The following HOXA9 variants were observed in gnomAD, a reference collection of about 807,000 sequenced individuals.
HOXA9 encodes the protein homeobox A9, also known as homeobox protein Hox-A9.
HOXA9 carries 18 observed loss-of-function variants against 19.0 expected under a neutral mutation model. The ratio of observed to expected loss-of-function variants is 0.95; its 90% CI spans 0.65 to 1.40. The LOEUF (loss-of-function observed/expected upper bound fraction) is 1.40. Among genes scored for constraint, HOXA9 ranks in the 40% most tolerant of loss-of-function variants. The pLI, the probability that HOXA9 is intolerant of heterozygous loss-of-function variation, is 0.00. For missense variants in HOXA9, 443 were observed against 372.2 expected, an observed-to-expected ratio of 1.19 and a Z score of -1.57; for synonymous variants, 198 against 161.1, an observed-to-expected ratio of 1.23 and a Z score of -1.73.
At position 27,163,750 on chromosome 7, in the gene HOXA9, C is replaced by T. The variant is rs186431923; in HGVS notation, c.672G>A (p.Glu224=). 1 of 1,614,070 alleles carries T rather than the reference C, an allele frequency of 6.2e-7. No individual in the cohort carries two copies. Among genetic ancestry groups the T allele is most frequent in the African/African-American group, 1.3e-5 (1 of 75,000 alleles). ...TKHQTLELEK[E]FLFNMYLTRD... ...TGGTGAGGTACATGTTGAACAGAAACTCTTTCTCCAGTTCCAGGGTCTGGT... is the reference window on the plus strand; with the variant it reads ...TGGTGAGGTACATGTTGAACAGAAATTCTTTCTCCAGTTCCAGGGTCTGGT... Residue 224 remains glutamate (E), a synonymous_variant, in exon 2 of 2, where the codon GAG becomes GAA. Coordinates refer to ENST00000343483, the MANE Select transcript of HOXA9 (RefSeq NM_152739.4).
rs201956538 is a variant in HOXA9 at position 27,165,266 on chromosome 7, G to T, written c.192C>A (p.Gly64=). The change falls in exon 1 of 2, where the codon GGC becomes GGA. Residue 64 remains glycine (G), a synonymous_variant. Transcript: ENST00000343483. ...CSFQSKATVF[G]ASWNPVHAAG... The stretch of plus-strand genomic sequence containing the variant: ...CCGCGTGCACTGGGTTCCACGAGGC[G>T]CCAAACACCGTCGCCTTGGACTGGA... 3.2e-6 allele frequency: 5 copies of T among 1,560,366 alleles called. No individual in the cohort carries two copies. In the East Asian group the frequency reaches 1.1e-4, roughly 36 times the overall value.
rs1435359238 is a variant in HOXA9, at chr7:27,163,122, A to G, written c.*481T>C. 1 of 221,596 alleles carries G rather than the reference A, an allele frequency of 4.5e-6. No homozygotes were observed. Among genetic ancestry groups the G allele is most frequent in the Admixed American group, 5.6e-5 (1 of 17,880 alleles). 13.7% of individuals were successfully genotyped at this position (221,596 alleles called of 1,614,324 possible). On this transcript the variant is annotated 3_prime_UTR_variant, in exon 2 of 2. Transcript: ENST00000343483. ...CCAGTACACAGAAGTTTGAATCACA[A>G]AACATAATTACCACAATAAAACACA...
rs1193520485 is a variant in HOXA9 at position 27,163,554 on chromosome 7, T to C, written c.*49A>G. 1 of 1,432,336 alleles carries C rather than the reference T, an allele frequency of 7.0e-7. No individual in the cohort carries two copies. The highest frequency in any genetic ancestry group is 1.4e-5 in the African/African-American group (1 of 70,212). The allele number at this position is 1,432,336 out of a possible 1,614,324, so 88.7% of individuals were successfully genotyped here. On this transcript the variant is annotated 3_prime_UTR_variant, in exon 2 of 2. Transcript: ENST00000343483. Reference sequence around the variant, plus strand: ...AGGCGGAAGGGGGACGGACAGTTCTTTCTTTTTCTCTCTAGCTTACCCTTT... The same window carrying C: ...AGGCGGAAGGGGGACGGACAGTTCTCTCTTTTTCTCTCTAGCTTACCCTTT...
chr7:27,164,838 C>A (rs531205413), intron 1 of HOXA9, 40 bp downstream of exon 1: 2 of 1,585,386 alleles, frequency 1.3e-6, no homozygotes, highest in African/African-American at 1.3e-5. Context: ...GGGAGGCCGG[C>A]GTGGAGGCGG....
chr7:27,164,702 C>T (rs1783279562), intron 1 of HOXA9, among the ~76,000 whole-genome samples, 176 bp downstream of exon 1: 1 of 152,244 alleles, frequency 6.6e-6, no homozygotes, highest in African/African-American at 2.4e-5. Context: ...CTCTTCACTG[C>T]TCTCCAGACT....
rs986336660 is a variant in HOXA9, at chr7:27,162,953, T to C, written c.*650A>G. 5 of 199,230 alleles carry C rather than the reference T, an allele frequency of 2.5e-5. No homozygotes were observed. Among genetic ancestry groups the C allele is most frequent in the African/African-American group, 1.2e-4 (5 of 43,382 alleles). 12.3% of individuals were successfully genotyped at this position (199,230 alleles called of 1,614,324 possible). A position where few individuals can be genotyped will look rare whatever the true frequency, so the allele number is the denominator to read the frequency against. ...TTCACTGGGAAATTCTTACAGCTAC[T>C]TTACAATCATAGGTTAACAGCCTAG... On this transcript the variant is annotated 3_prime_UTR_variant, in exon 2 of 2. Coordinates refer to ENST00000343483, the MANE Select transcript of HOXA9 (RefSeq NM_152739.4).
chr7:27,164,299 G>A (rs10238429), intron 1 of HOXA9, among the ~76,000 whole-genome samples: 5,333 of 152,266 alleles, frequency 0.035, 121 homozygotes, highest in Non-Finnish European at 0.053. Context: ...AAGGCCTTCG[G>A]AGCTGGGCAA....
At chr7:27,163,965 G>C in intron 1 of HOXA9, 124 bp from the exon 2 acceptor site, 1 of 756,714 alleles carries the variant, frequency 1.3e-6, no homozygotes, top group Non-Finnish European at 2.2e-6. Flanking sequence ...AGGAAAGGCA[G>C]TCAGGCCTCG....
At position 27,162,812 on chromosome 7, in the gene HOXA9, T is replaced by C. The variant is rs1301624925; in HGVS notation, c.*791A>G. 1 of 201,658 alleles carries C rather than the reference T, an allele frequency of 5.0e-6. No homozygotes were observed. Among genetic ancestry groups the C allele is most frequent in the Non-Finnish European group, 1.0e-5 (1 of 97,922 alleles). The allele number at this position is 201,658 out of a possible 1,614,324, so 12.5% of individuals were successfully genotyped here. On this transcript the variant is annotated 3_prime_UTR_variant, in exon 2 of 2. Transcript: ENST00000343483. Reference sequence around the variant, plus strand: ...TTTCTTTAATCATATAGATTATATATACAATAGACAAGACAGGACTATATA... The same window carrying C: ...TTTCTTTAATCATATAGATTATATACACAATAGACAAGACAGGACTATATA...
chr7:27,163,521 A>G lies in HOXA9; in HGVS notation c.*82T>C, dbSNP rs1051807454. The G allele has an allele frequency of 5.0e-5, 57 of 1,139,416 alleles. No homozygotes were observed. Among genetic ancestry groups the G allele is most frequent in the Non-Finnish European group, 6.8e-5 (53 of 780,930 alleles). The allele number at this position is 1,139,416 out of a possible 1,614,324, so 70.6% of individuals were successfully genotyped here. A position where few individuals can be genotyped will look rare whatever the true frequency, so the allele number is the denominator to read the frequency against. On this transcript the variant is annotated 3_prime_UTR_variant, in exon 2 of 2. Coordinates refer to ENST00000343483, the MANE Select transcript of HOXA9 (RefSeq NM_152739.4). The stretch of plus-strand genomic sequence containing the variant: ...GTGGAGGCTAGGGTGGGGGTGAGAG[A>G]AGGGAGAAGGCGGAAGGGGGACGGA...
Position 27,164,986 on chromosome 7 carries a change from C to A in HOXA9, c.472G>T (p.Ala158Ser). The change falls in exon 1 of 2, where the codon GCT (alanine) becomes TCT (serine). Residue 158 changes from alanine (A) to serine (S), a missense_variant. Physicochemically the swap from Ala to Ser is moderately conservative, Grantham distance 99. Transcript: ENST00000343483. ...CTATCAACTGGAGGAGAACCACAAG[C>A]ATAGTCAGTCAGGGACAAAGTGTGA... ...DTHTLSLTDY[A>S]CGSPPVDREK... The A allele has an allele frequency of 6.2e-7, 1 of 1,614,240 alleles. No individual in the cohort carries two copies. The highest frequency in any genetic ancestry group is 8.5e-7 in the Non-Finnish European group (1 of 1,180,036).
At chr7:27,163,960 A>T in intron 1 of HOXA9, 119 bp from the exon 2 acceptor site, 2 of 779,678 alleles carry the variant, frequency 2.6e-6, no homozygotes, top group Non-Finnish European at 4.3e-6. Context: ...TGGTTAGGAA[A>T]GGCAGTCAGG....
At chr7:27,164,018 T>C (rs1783261195) in intron 1 of HOXA9, among the ~76,000 whole-genome samples, 177 bp from the exon 2 acceptor site, 1 of 152,186 alleles carries the variant, frequency 6.6e-6, no homozygotes, top group South Asian at 2.1e-4. Context: ...GACAGTCACT[T>C]AAAATTGCAC....
chr7:27,165,429 T>C lies in HOXA9; in HGVS notation c.29A>G (p.Tyr10Cys), dbSNP rs770254606. MATTGALGN[Y>C]YVDSFLLGAD... ...GCCCAGCAGGAACGAGTCCACGTAGTAGTTGCCCAGGGCCCCAGTGGTGGC... is the reference window on the plus strand; with the variant it reads ...GCCCAGCAGGAACGAGTCCACGTAGCAGTTGCCCAGGGCCCCAGTGGTGGC... Residue 10 changes from tyrosine to cysteine, a missense_variant, in exon 1 of 2, where the codon TAC becomes TGC. Physicochemically the swap from Tyr to Cys is radical, Grantham distance 194. Transcript: ENST00000343483. The C allele has an allele frequency of 1.3e-5, 21 of 1,609,182 alleles. No homozygotes were observed. In the South Asian group the frequency reaches 2.0e-4, roughly 15 times the overall value.
rs758348726 is a variant in HOXA9 at position 27,163,717 on chromosome 7, G to A, written c.705C>T (p.Arg235=). 1.2e-6 allele frequency: 2 copies of A among 1,613,888 alleles called. No homozygotes were observed. Among genetic ancestry groups the A allele is most frequent in the East Asian group, 2.2e-5 (1 of 44,872 alleles). The change falls in exon 2 of 2, where the codon CGC becomes CGT. Residue 235 remains arginine (R), a synonymous_variant. Transcript: ENST00000343483. The part of the protein sequence containing the change: ...FLFNMYLTRD[R]RYEVARLLNL... ...TGAGCAGTCGAGCCACCTCGTACCT[G>A]CGGTCCCTGGTGAGGTACATGTTGA...
rs748741516 is a variant in HOXA9 at position 27,165,339 on chromosome 7, C to G, written c.119G>C (p.Arg40Pro). The change falls in exon 1 of 2, where the codon CGG becomes CCG. Residue 40 changes from arginine to proline, a missense_variant. Coordinates refer to ENST00000343483, the MANE Select transcript of HOXA9 (RefSeq NM_152739.4). ...GTGCTCGGCCAGCGTCGCCGCCTGC[C>G]GGGGAGGCTGGCCCAGGGTCCCCGG... ...YAPGTLGQPP[R>P]QAATLAEHPD... The G allele has an allele frequency of 1.3e-6, 2 of 1,584,734 alleles. No homozygotes were observed. Among genetic ancestry groups the G allele is most frequent in the African/African-American group, 1.3e-5 (1 of 74,182 alleles).
rs1189734362 is a variant in HOXA9 at position 27,165,215 on chromosome 7, C to T, written c.243G>A (p.Ala81=). ...GGTGGTGGTGATGGTGGTGGTACAC[C>T]GCAGCGGGTACAGCGTTGGCGCCCG... The part of the protein sequence containing the change: ...HAAGANAVPA[A]VYHHHHHHPY... Residue 81 remains alanine (A), a synonymous_variant, in exon 1 of 2, where the codon GCG becomes GCA. Transcript: ENST00000343483. 2 of 1,582,442 alleles carry T rather than the reference C, an allele frequency of 1.3e-6. No individual in the cohort carries two copies. Among genetic ancestry groups the T allele is most frequent in the Admixed American group, 1.8e-5 (1 of 56,286 alleles).
At chr7:27,164,283 T>C (rs1482260809) in intron 1 of HOXA9, among the ~76,000 whole-genome samples, 2 of 152,218 alleles carry the variant, frequency 1.3e-5, no homozygotes, top group African/African-American at 4.8e-5. Context: ...TATTTAACCT[T>C]CCTGGAAGGC....
In HOXA9 at chr7:27,163,216, A is replaced by G. The variant is rs112752252; in HGVS notation, c.*387T>C. 1.1e-3 allele frequency: 259 copies of G among 245,098 alleles called. No individual in the cohort carries two copies. The highest frequency in any genetic ancestry group is 5.5e-3 in the African/African-American group (249 of 45,554). 15.2% of individuals were successfully genotyped at this position (245,098 alleles called of 1,614,324 possible). A position where few individuals can be genotyped will look rare whatever the true frequency, so the allele number is the denominator to read the frequency against. ...AATTAAATTAACTACACAGACTAAA[A>G]ACTATACAGCCTACCATCAACAGTT... On this transcript the variant is annotated 3_prime_UTR_variant, in exon 2 of 2. Coordinates refer to ENST00000343483, the MANE Select transcript of HOXA9 (RefSeq NM_152739.4).
Sources: gnomAD v4.1 joint callset for allele counts (sites outside exome capture counted in the v4.1 genomes callset) on GRCh38, gnomAD v4.1.1 for gene constraint, MANE v1.5 for transcripts, NCBI Gene and HGNC (gene_info 2026-07-23, HGNC 2026-07-21) for gene names.